PUDP: variants seen among roughly 807,000 people sequenced by gnomAD.
PUDP encodes the protein pseudouridine-5'-phosphatase.
In PUDP, 8 loss-of-function variants were observed where a neutral mutation model predicts 9.4. The observed-to-expected ratio is 0.85, with a 90% CI of 0.50 to 1.53. The LOEUF (loss-of-function observed/expected upper bound fraction) is 1.53, where lower values mean the gene tolerates loss of function less well. Among genes scored for constraint, PUDP ranks in the 40% most tolerant of loss-of-function variants. The pLI, the probability that PUDP is intolerant of heterozygous loss-of-function variation, is 0.00. For synonymous variants in PUDP, 99 were observed against 80.7 expected, an observed-to-expected ratio of 1.23 and a Z score of -1.22; for missense variants, 188 against 189.7, an observed-to-expected ratio of 0.99 and a Z score of 0.05.
chrX:7,083,838 T>C (rs1360773191), intron 2 of PUDP, among the ~76,000 whole-genome samples: 2 of 103,527 alleles, frequency 1.9e-5, no homozygotes, highest in African/African-American at 7.2e-5. Flanking sequence ...GAGACGGAGG[T>C]TGCAGTCAGC....
chrX:6,813,709 A>C (rs1926182029), intron 3 of PUDP, among the ~76,000 whole-genome samples: 1 of 111,554 alleles, frequency 9.0e-6, no homozygotes, highest in Admixed American at 9.6e-5. Context: ...GTTTTGCTGT[A>C]GTAGGTCACA....
chrX:6,789,589 AAG>A (rs1925704904), intron 3 of PUDP, among the ~76,000 whole-genome samples: 1 of 111,348 alleles, frequency 9.0e-6, no homozygotes, highest in Admixed American at 9.6e-5. Flanking sequence ...GGCCAGGAAT[AAG>A]AGCTCATGGC....
chrX:7,057,440 A>G (rs753245351), intron 3 of PUDP: 2 of 297,016 alleles, frequency 6.7e-6, no homozygotes, highest in Non-Finnish European at 1.2e-5. Context: ...GGGGAGGGAA[A>G]CAGTCCAAAC....
chrX:7,135,170 C>A (rs753729230), intron 1 of PUDP, among the ~76,000 whole-genome samples: 3 of 111,508 alleles, frequency 2.7e-5, no homozygotes, highest in South Asian at 3.8e-4. Context: ...AGGGATGACA[C>A]AGACCCAGTA....
chrX:6,726,548 T>C (rs1924740570), intron 3 of PUDP, among the ~76,000 whole-genome samples: 1 of 112,197 alleles, frequency 8.9e-6, no homozygotes, highest in South Asian at 3.7e-4. Flanking sequence ...ACCCTATAAA[T>C]ATGTACAATT....
intron 3 of PUDP, among the ~76,000 whole-genome samples, chrX:6,876,684 C>T (rs1347150097): frequency 1.0e-5 from 1 of 98,646 alleles, no homozygotes; most frequent in Non-Finnish European, 2.1e-5. Flanking sequence ...TGTGTACACA[C>T]ATATGTACAT....
upstream of PUDP, among the ~76,000 whole-genome samples, chrX:6,726,023 C>T (rs1045343732): frequency 1.8e-5 from 2 of 111,873 alleles, no homozygotes; most frequent in African/African-American, 3.2e-5. Context: ...CAAGCAGGAA[C>T]GTGTCCTCTT....
At position 7,108,579 on chromosome X, in the gene PUDP, G is replaced by A. The variant is rs769800175; in HGVS notation, c.62-2741C>T. Among the ~76,000 whole-genome samples, 271 of 112,183 alleles carry A rather than the reference G, an allele frequency of 2.4e-3. 1 individual carries two copies. The highest frequency in any genetic ancestry group is 6.6e-3 in the Admixed American group (71 of 10,682). On this transcript the variant is annotated intron_variant, in intron 1 of 3. Coordinates refer to ENST00000381077, the MANE Select transcript of PUDP (RefSeq NM_012080.5). The stretch of plus-strand genomic sequence containing the variant: ...GATACTCTGGTTTTGACTGCTAACA[G>A]CAACAAGAAGAGCCCTCCTCTGTTC...
chrX:7,041,832 C>T (rs1285053690), intron 1 of PUDP, among the ~76,000 whole-genome samples: 2 of 104,502 alleles, frequency 1.9e-5, no homozygotes, highest in African/African-American at 7.1e-5. Context: ...ACCCTCATAT[C>T]ATCTCAGCTT....
At chrX:7,029,900 G>C (rs1269767846) in intron 1 of PUDP, among the ~76,000 whole-genome samples, 4 of 110,827 alleles carry the variant, frequency 3.6e-5, no homozygotes, top group Admixed American at 2.9e-4. Context: ...TTTCAGAAAG[G>C]TTCACATTTT....
chrX:6,988,420 G>C (rs754769332), intron 1 of PUDP, among the ~76,000 whole-genome samples: 144 of 112,075 alleles, frequency 1.3e-3, no homozygotes, highest in African/African-American at 4.4e-3. Context: ...ACCGGGTGCA[G>C]GGAGAAGACC....
rs191841910 is a variant in PUDP, at chrX:6,790,584, A to G, written c.*248-84118T>C. On this transcript the variant is annotated intron_variant and NMD_transcript_variant, in intron 3 of 3. Transcript: ENST00000655425. ...ACAGGTAATACATACATTTCAACAT[A>G]TGTTCTAAATATTTCCTGGATCAGA... 5.4e-3 allele frequency among the ~76,000 whole-genome samples: 609 copies of G among 112,606 alleles called. 6 individuals are homozygous for G. Among genetic ancestry groups the G allele is most frequent in the African/African-American group, 0.019 (575 of 31,065 alleles).
chrX:6,857,545 C>A (rs768958539), intron 3 of PUDP, among the ~76,000 whole-genome samples: 3 of 112,245 alleles, frequency 2.7e-5, no homozygotes, highest in Non-Finnish European at 5.6e-5. Flanking sequence ...GCAATCCTCC[C>A]ACCTCAGCCT....
chrX:7,046,749 G>A (rs1929987730), downstream of PUDP, among the ~76,000 whole-genome samples: 1 of 112,318 alleles, frequency 8.9e-6, no homozygotes, highest in African/African-American at 3.2e-5. Context: ...GAAATAAGCA[G>A]TGAATGAATA....
chrX:7,125,460 C>T (rs1446917762), intron 1 of PUDP, among the ~76,000 whole-genome samples: 2 of 111,513 alleles, frequency 1.8e-5, no homozygotes, highest in African/African-American at 6.5e-5. Flanking sequence ...TATCCCTAGG[C>T]CTTTTGAATT....
chrX:6,815,502 G>T lies in PUDP; in HGVS notation c.*248-109036C>A, dbSNP rs1427557245. ...CCTTTAATTTGATTTATCAAAGAGA[G>T]ATAAAGAATTTGTCAAAAAAACATC... On this transcript the variant is annotated intron_variant and NMD_transcript_variant, in intron 3 of 3. Transcript: ENST00000655425. 3.6e-5 allele frequency among the ~76,000 whole-genome samples: 4 copies of T among 111,936 alleles called. No homozygotes were observed. In the South Asian group the frequency reaches 1.1e-3, roughly 31 times the overall value.
At chrX:6,750,910 C>T (rs190092853) in intron 3 of PUDP, among the ~76,000 whole-genome samples, 101 of 111,112 alleles carry the variant, frequency 9.1e-4, no homozygotes, top group African/African-American at 2.8e-3. Flanking sequence ...GAGGCCGAGG[C>T]GGGCAGATCA....
chrX:7,103,716 A>C (rs1931803191), intron 2 of PUDP, among the ~76,000 whole-genome samples: 1 of 112,516 alleles, frequency 8.9e-6, no homozygotes, highest in African/African-American at 3.2e-5. Flanking sequence ...ACAAAAACAC[A>C]AAAATCAAAA....
chrX:6,796,962 C>A (rs936113695), intron 3 of PUDP, among the ~76,000 whole-genome samples: 2 of 111,542 alleles, frequency 1.8e-5, no homozygotes, highest in African/African-American at 6.5e-5. Flanking sequence ...ATTTCTGATG[C>A]GTCTGACAGA....
Sources: gnomAD v4.1 joint callset for allele counts (sites outside exome capture counted in the v4.1 genomes callset) on GRCh38, gnomAD v4.1.1 for gene constraint, MANE v1.5 for transcripts, NCBI Gene and HGNC (gene_info 2026-07-23, HGNC 2026-07-21) for gene names.